AMZ1: variants seen among roughly 807,000 people sequenced by gnomAD.
AMZ1 encodes the protein archaemetzincin-1.
Under a neutral mutation model 29.9 loss-of-function variants are expected in AMZ1, and 39 were observed. That is an observed-to-expected ratio of 1.30 (90% CI 1.01 to 1.70). The LOEUF (loss-of-function observed/expected upper bound fraction) is 1.70. AMZ1 is among the 40% of genes most tolerant of loss of function. The pLI is 0.00. For synonymous variants in AMZ1, 458 were observed against 304.0 expected, an observed-to-expected ratio of 1.51 and a Z score of -5.27; for missense variants, 1,041 against 680.6, an observed-to-expected ratio of 1.53 and a Z score of -5.89.
chr7:2,702,382 G>T, intron 2 of AMZ1: 1 of 269,926 alleles, frequency 3.7e-6, no homozygotes. Flanking sequence ...GAGGTGGCTC[G>T]GCTCTGTGTG....
intron 1 of AMZ1, among the ~76,000 whole-genome samples, chr7:2,692,440 G>T (rs542398901): frequency 6.6e-6 from 1 of 152,202 alleles, no homozygotes; most frequent in Non-Finnish European, 1.5e-5. Context: ...TATTCGGGAG[G>T]CTGAGGCAGG....
chr7:2,750,876 T>A (rs1791001038), intron 4 of AMZ1, among the ~76,000 whole-genome samples: 1 of 152,126 alleles, frequency 6.6e-6, no homozygotes, highest in East Asian at 1.9e-4. Context: ...CTGAAATAAC[T>A]GATTAATATG....
intron 1 of AMZ1, among the ~76,000 whole-genome samples, chr7:2,698,329 G>A (rs1787858146): frequency 6.6e-6 from 1 of 152,220 alleles, no homozygotes; most frequent in Non-Finnish European, 1.5e-5. Flanking sequence ...CTTGAGGTCA[G>A]GAGTTTGAGA....
upstream of AMZ1, among the ~76,000 whole-genome samples, chr7:2,763,855 G>T (rs1791689862): frequency 6.6e-6 from 1 of 152,226 alleles, no homozygotes; most frequent in African/African-American, 2.4e-5. Flanking sequence ...GGCCTCCATG[G>T]CTGGCAGAGA....
intron 4 of AMZ1, among the ~76,000 whole-genome samples, chr7:2,739,338 A>T (rs1790379127): frequency 1.3e-5 from 2 of 152,008 alleles, no homozygotes; most frequent in Admixed American, 1.3e-4. Context: ...GTCTCCATGG[A>T]TTTGCCGGTT....
chr7:2,735,273 G>A (rs956701206), intron 4 of AMZ1, among the ~76,000 whole-genome samples: 1 of 152,140 alleles, frequency 6.6e-6, no homozygotes, highest in African/African-American at 2.4e-5. Flanking sequence ...CCAGGGAGCT[G>A]AGAGTAGCAG....
upstream of AMZ1, among the ~76,000 whole-genome samples, chr7:2,684,498 G>A (rs946144104): frequency 7.9e-5 from 12 of 152,228 alleles, no homozygotes; most frequent in Admixed American, 7.9e-4. Flanking sequence ...TGGGTCAGAG[G>A]ATGGTGATGG....
rs1340020329 is a variant in AMZ1, at chr7:2,735,080, G to A, written n.550+25264G>A. Among the ~76,000 whole-genome samples, 7 of 151,030 alleles carry A rather than the reference G, an allele frequency of 4.6e-5. 1 individual carries two copies. In the South Asian group the frequency reaches 1.0e-3, roughly 23 times the overall value. On this transcript the variant is annotated intron_variant and non_coding_transcript_variant, in intron 4 of 4. Coordinates refer to the AMZ1 transcript ENST00000489665. The stretch of plus-strand genomic sequence containing the variant: ...TCATGCCTCCTTCCACACCCTGACA[G>A]GAAGCAGCTGGGAGAAGCCGTTGGG...
chr7:2,696,511 C>G (rs527976067), intron 1 of AMZ1, among the ~76,000 whole-genome samples: 1 of 150,248 alleles, frequency 6.7e-6, no homozygotes, highest in East Asian at 2.1e-4. Flanking sequence ...CCCGCCTGGG[C>G]CTCCCAAAGT....
rs372522652 is a variant in AMZ1, at chr7:2,735,341, G to A, written n.550+25525G>A. ...CTAGGCAGGTGGTGGCACCAGGCAC[G>A]AAGGAAGCAGAGGCAGTTCTCCTGC... On this transcript the variant is annotated intron_variant and non_coding_transcript_variant, in intron 4 of 4. Coordinates refer to the AMZ1 transcript ENST00000489665. Among the ~76,000 whole-genome samples the A allele has an allele frequency of 4.6e-5, 7 of 152,306 alleles. No homozygotes were observed. The East Asian group carries it at 7.7e-4, about 17-fold the overall frequency.
intron 4 of AMZ1, among the ~76,000 whole-genome samples, chr7:2,751,966 A>C (rs370416020): frequency 6.6e-6 from 1 of 152,362 alleles, no homozygotes; most frequent in Admixed American, 6.5e-5. Context: ...TTTTCAGAAA[A>C]TCAAAGAGGA....
chr7:2,709,485 C>T (rs540845895), intron 5 of AMZ1, among the ~76,000 whole-genome samples, 155 bp from the exon 6 acceptor site: 15 of 152,264 alleles, frequency 9.9e-5, no homozygotes, highest in South Asian at 6.2e-4. Context: ...TGAAAGTGGC[C>T]TGTGCCGCCT....
At chr7:2,691,747 A>AAAAAAAG (rs1787402946) in intron 1 of AMZ1, among the ~76,000 whole-genome samples, 1 of 151,318 alleles carries the variant, frequency 6.6e-6, no homozygotes, top group African/African-American at 2.4e-5. Context: ...AAAAAAAAAA[A>AAAAAAAG]ATAAGTGATT....
intron 4 of AMZ1, among the ~76,000 whole-genome samples, chr7:2,736,655 G>C (rs548460813): frequency 3.2e-4 from 48 of 152,242 alleles, no homozygotes; most frequent in Non-Finnish European, 5.0e-4. Context: ...ACGCCCATGA[G>C]GAGACCGCCT....
intron 4 of AMZ1, among the ~76,000 whole-genome samples, chr7:2,755,483 T>C (rs576989042): frequency 6.6e-6 from 1 of 152,234 alleles, no homozygotes; most frequent in Non-Finnish European, 1.5e-5. Context: ...TACACCACAG[T>C]ATTTCATTTT....
At chr7:2,720,138 T>C (rs1287552235), downstream of AMZ1, among the ~76,000 whole-genome samples, 1 of 152,214 alleles carries the variant, frequency 6.6e-6, no homozygotes, top group Non-Finnish European at 1.5e-5. Context: ...CACGCACTGC[T>C]GCAGAGCTTT....
intron 4 of AMZ1, among the ~76,000 whole-genome samples, chr7:2,744,067 T>C (rs1790644162): frequency 6.6e-6 from 1 of 152,240 alleles, no homozygotes; most frequent in African/African-American, 2.4e-5. Context: ...GAGGCCTGCC[T>C]GCCTCTGTAG....
At chr7:2,720,251 G>A (rs1789361545), downstream of AMZ1, among the ~76,000 whole-genome samples, 3 of 152,154 alleles carry the variant, frequency 2.0e-5, no homozygotes, top group Admixed American at 6.5e-5. Context: ...AGTCACTGCT[G>A]GAGGCTTTTA....
rs116695170 is a variant in AMZ1 at position 2,709,014 on chromosome 7, G to C, written c.602-61G>C. The C allele has an allele frequency of 8.8e-4, 1,326 of 1,504,786 alleles. 12 individuals carry two copies. In the African/African-American group the frequency reaches 0.016, roughly 19 times the overall value. The allele number at this position is 1,504,786 out of a possible 1,614,324, so 93.2% of individuals were successfully genotyped here. ...CATGAGAGCATGAGGTGGGTTTGAC[G>C]GTGGGCCCCCCAGAGCCAAGGCTGA... On this transcript the variant is annotated intron_variant, in intron 4 of 6. Transcript: ENST00000683327.
Sources: allele counts gnomAD v4.1 joint callset (sites outside exome capture counted in the v4.1 genomes callset), GRCh38; gene constraint gnomAD v4.1.1; transcripts MANE v1.5; gene names NCBI Gene and HGNC (gene_info 2026-07-23, HGNC 2026-07-21).